Variants in LYZL2 observed in about 807,000 individuals in gnomAD.
The protein encoded by LYZL2 is lysozyme-like protein 2.
Under a neutral mutation model 17.1 loss-of-function variants are expected in LYZL2, and 13 were observed. The observed-to-expected ratio is 0.76, with a 90% CI of 0.49 to 1.21. The LOEUF is 1.21. Among genes scored for constraint, LYZL2 ranks in the 50% most tolerant of loss-of-function variants. The pLI is 0.00. For synonymous variants in LYZL2, 63 were observed against 74.4 expected, an observed-to-expected ratio of 0.85 and a Z score of 0.79; for missense variants, 166 against 189.2, an observed-to-expected ratio of 0.88 and a Z score of 0.72.
At chr10:30,613,986 A>C (rs11008147) in intron 3 of LYZL2, among the ~76,000 whole-genome samples, 17,291 of 152,242 alleles carry the variant, frequency 0.11, 1,067 homozygotes, top group South Asian at 0.18. Context: ...CTGGGATTAC[A>C]GACATGAGCC....
At chr10:30,617,694 A>G (rs563013232) in intron 3 of LYZL2, among the ~76,000 whole-genome samples, 9,879 of 135,940 alleles carry the variant, frequency 0.073, 224 homozygotes, top group African/African-American at 0.1. Flanking sequence ...AAAAAAAAAA[A>G]AAAAGAAAAG....
chr10:30,627,758 GGCAC>G (rs1159035880), intron 1 of LYZL2, among the ~76,000 whole-genome samples: 8 of 152,140 alleles, frequency 5.3e-5, no homozygotes, highest in Non-Finnish European at 8.8e-5. Context: ...AGCAGGCATT[GGCAC>G]CCCGACCCCT....
rs183892726 is a variant in LYZL2 at position 30,624,041 on chromosome 10, T to C, written c.298+2064A>G. ...TCATCGAGTCCCTTGTTTCCCGAAC[T>C]ATGTTTCCTCTTACTTGCTTTAGTT... On this transcript the variant is annotated intron_variant, in intron 3 of 4. Transcript: ENST00000647634. Among the ~76,000 whole-genome samples the C allele has an allele frequency of 6.6e-5, 10 of 152,340 alleles. No individual in the cohort carries two copies. The East Asian group carries it at 7.7e-4, about 12-fold the overall frequency.
the LYZL2 span, among the ~76,000 whole-genome samples, chr10:30,606,271 GA>G: frequency 6.6e-6 from 1 of 151,776 alleles, no homozygotes. Flanking sequence ...TTATCTTGTC[GA>G]AGTGTCTGCA....
intron 3 of LYZL2, among the ~76,000 whole-genome samples, chr10:30,615,155 G>C (rs1021557235): frequency 1.3e-5 from 2 of 152,290 alleles, no homozygotes; most frequent in African/African-American, 4.8e-5. Flanking sequence ...TTGTTGACAG[G>C]TGAATGGATA....
Position 30,629,718 on chromosome 10 carries a change from T to C in LYZL2, c.-151A>G, listed in dbSNP as rs751207277. 16 of 1,603,714 alleles carry C rather than the reference T, an allele frequency of 1.0e-5. No individual in the cohort carries two copies. In the Admixed American group the frequency reaches 1.7e-4, roughly 17 times the overall value. ...GAGCGTCCTGCATCCCCTGAAGCCA[T>C]GTCTGATTCTAACAAGGCTCGAGTA... is the stretch of plus-strand genomic sequence containing the variant. On this transcript the variant is annotated 5_prime_UTR_variant, in exon 1 of 5. It removes an upstream start codon present in the reference 5' UTR. Coordinates refer to ENST00000647634, the MANE Select transcript of LYZL2 (RefSeq NM_183058.3).
chr10:30,608,639 T>C (rs1213062146), downstream of LYZL2, among the ~76,000 whole-genome samples: 1 of 152,214 alleles, frequency 6.6e-6, no homozygotes, highest in Non-Finnish European at 1.5e-5. Context: ...TGGGCGATAG[T>C]TACCCCTTCC....
At chr10:30,626,657 G>A (rs369081074) in intron 2 of LYZL2, 120 bp downstream of exon 2, 354 of 1,471,598 alleles carry the variant, frequency 2.4e-4, no homozygotes, top group African/African-American at 1.3e-3. Context: ...GCCACCCCTG[G>A]GTGTGGTGAG....
rs181037493 is a variant in LYZL2, at chr10:30,626,815, G to C, written c.101C>G (p.Ala34Gly). 14 of 1,614,242 alleles carry C rather than the reference G, an allele frequency of 8.7e-6. No individual in the cohort carries two copies. The African/African-American group carries it at 1.3e-4, about 15-fold the overall frequency. The change falls in exon 2 of 5, where the codon GCT becomes GGT. Residue 34 changes from alanine (A) to glycine (G), a missense_variant. By Grantham distance (60) the Ala-to-Gly change is moderately conservative (BLOSUM62 0). Coordinates refer to ENST00000647634, the MANE Select transcript of LYZL2 (RefSeq NM_183058.3). ...GAAGCCCCAGTAATTGTCCAGGCCA[G>C]CCCTCGAGAATATTTTTGCCAGTTT... ...RCKLAKIFSR[A>G]GLDNYWGFSL...
Position 30,611,863 on chromosome 10 carries a change from T to C in LYZL2, c.*92A>G. ...CCTCTCCAAGTTTGAGAAGGAATAT[T>C]GGGAGGAAACGGGACAAGATGACAC... On this transcript the variant is annotated 3_prime_UTR_variant, in exon 5 of 5. Transcript: ENST00000647634. 6.3e-7 allele frequency: 1 copy of C among 1,597,568 alleles called. No individual in the cohort carries two copies. The highest frequency in any genetic ancestry group is 8.5e-7 in the Non-Finnish European group (1 of 1,175,076).
chr10:30,628,064 G>A (rs1486816126), intron 1 of LYZL2, among the ~76,000 whole-genome samples: 1 of 152,124 alleles, frequency 6.6e-6, no homozygotes, highest in African/African-American at 2.4e-5. Flanking sequence ...GGAGGCTGAG[G>A]CAGGAGAATG....
chr10:30,627,915 T>C (rs955538502), intron 1 of LYZL2, among the ~76,000 whole-genome samples: 4 of 152,204 alleles, frequency 2.6e-5, no homozygotes, highest in Admixed American at 2.6e-4. Flanking sequence ...ATCCCGGCAC[T>C]TTGGGAGGCC....
chr10:30,612,107 C>T, intron 4 of LYZL2, 83 bp from the exon 5 acceptor site: 1 of 1,512,464 alleles, frequency 6.6e-7, no homozygotes, highest in Non-Finnish European at 9.1e-7. Context: ...CAGAAATTAA[C>T]CAAAATCGCC....
At chr10:30,624,131 A>G (rs1034907156) in intron 3 of LYZL2, among the ~76,000 whole-genome samples, 2 of 152,094 alleles carry the variant, frequency 1.3e-5, no homozygotes, top group Admixed American at 6.6e-5. Flanking sequence ...AGCTGGGCTG[A>G]GTATCTCATC....
chr10:30,609,341 G>A (rs1838407729), downstream of LYZL2, among the ~76,000 whole-genome samples: 1 of 152,192 alleles, frequency 6.6e-6, no homozygotes, highest in Non-Finnish European at 1.5e-5. Context: ...GAGGAGCAGG[G>A]AGCTTCATGT....
intron 3 of LYZL2, among the ~76,000 whole-genome samples, chr10:30,623,898 C>A (rs1013669785): frequency 1.2e-4 from 18 of 152,116 alleles, no homozygotes; most frequent in Non-Finnish European, 2.9e-5. Context: ...AGGTTGGGGA[C>A]CACTGATACA....
intron 1 of LYZL2, among the ~76,000 whole-genome samples, chr10:30,628,940 GA>G (rs1220488671): frequency 6.6e-6 from 1 of 152,230 alleles, no homozygotes; most frequent in East Asian, 1.9e-4. Context: ...GTTGGTGGCT[GA>G]TTTCCTGCTG....
downstream of LYZL2, among the ~76,000 whole-genome samples, chr10:30,607,568 G>A (rs1258099155): frequency 6.6e-6 from 1 of 152,116 alleles, no homozygotes; most frequent in Non-Finnish European, 1.5e-5. Context: ...AGTGTCCCCT[G>A]TTCCGTTTCC....
chr10:30,614,760 A>G (rs1305350524), intron 3 of LYZL2, among the ~76,000 whole-genome samples: 1 of 152,200 alleles, frequency 6.6e-6, no homozygotes, highest in Non-Finnish European at 1.5e-5. Context: ...AAACCAACAT[A>G]GCAGCATGTG....
Sources: allele counts gnomAD v4.1 joint callset (sites outside exome capture counted in the v4.1 genomes callset), GRCh38; gene constraint gnomAD v4.1.1; transcripts MANE v1.5; gene names NCBI Gene and HGNC (gene_info 2026-07-23, HGNC 2026-07-21).